FMC1: variants seen among roughly 807,000 people sequenced by gnomAD.
The protein encoded by FMC1 is protein FMC1 homolog.
FMC1 carries 6 observed loss-of-function variants against 10.5 expected under a neutral mutation model. The ratio of observed to expected loss-of-function variants is 0.57; its 90% CI spans 0.31 to 1.12. The LOEUF (loss-of-function observed/expected upper bound fraction) is 1.12. Among genes scored for constraint, FMC1 ranks in the 50% most tolerant of loss-of-function variants. The pLI, the probability that FMC1 is intolerant of heterozygous loss-of-function variation, is 0.05. For synonymous variants in FMC1, 59 were observed against 62.1 expected, an observed-to-expected ratio of 0.95 and a Z score of 0.24; for missense variants, 146 against 151.7, an observed-to-expected ratio of 0.96 and a Z score of 0.20.
At chr7:139,341,655 C>G (rs1798974624) in intron 1 of FMC1, 133 bp downstream of exon 1, 2 of 1,429,336 alleles carry the variant, frequency 1.4e-6, no homozygotes, top group Non-Finnish European at 1.8e-6. Flanking sequence ...CTGGTTCTGA[C>G]CAAACCAACC....
At chr7:139,340,799 C>T (rs752481071), upstream of FMC1, among the ~76,000 whole-genome samples, 82 of 151,810 alleles carry the variant, frequency 5.4e-4, no homozygotes, top group Middle Eastern at 3.4e-3. Context: ...CTTTTTTCCC[C>T]TTTCTAAACA....
chr7:139,342,289 A>G (rs1799021201), intron 1 of FMC1, among the ~76,000 whole-genome samples: 1 of 152,108 alleles, frequency 6.6e-6, no homozygotes, highest in African/African-American at 2.4e-5. Context: ...TGGGGTATAA[A>G]GAAGGGGTAG....
Position 139,345,803 on chromosome 7 carries a change from C to A in FMC1, c.*99C>A. The A allele has an allele frequency of 7.6e-7, 1 of 1,324,092 alleles. No individual in the cohort carries two copies. The highest frequency in any genetic ancestry group is 1.7e-5 in the South Asian group (1 of 59,872). 82.0% of individuals were successfully genotyped at this position (1,324,092 alleles called of 1,614,324 possible). A position where few individuals can be genotyped will look rare whatever the true frequency, so the allele number is the denominator to read the frequency against. ...AATTTTTTTTAAGTTTAAGGTTTTT[C>A]TCTGTAATTTTGTTTACTAGTTCTT... is the stretch of plus-strand genomic sequence containing the variant. On this transcript the variant is annotated 3_prime_UTR_variant, in exon 2 of 2. Transcript: ENST00000297534.
upstream of FMC1, chr7:139,340,564 A>G (rs937600446): frequency 6.0e-5 from 24 of 397,842 alleles, no homozygotes; most frequent in African/African-American, 4.1e-4. Flanking sequence ...TCTAACTACA[A>G]CTCCCAGCAT....
Position 139,345,777 on chromosome 7 carries a change from A to C in FMC1, c.*73A>C, listed in dbSNP as rs1799244322. The C allele has an allele frequency of 2.8e-6, 4 of 1,440,096 alleles. No individual in the cohort carries two copies. The South Asian group carries it at 4.4e-5, about 16-fold the overall frequency. The allele number at this position is 1,440,096 out of a possible 1,614,324, so 89.2% of individuals were successfully genotyped here. A position where few individuals can be genotyped will look rare whatever the true frequency, so the allele number is the denominator to read the frequency against. ...TTTCTATCAATATGTATTTATCATT[A>C]AATTTTTTTTAAGTTTAAGGTTTTT... On this transcript the variant is annotated 3_prime_UTR_variant, in exon 2 of 2. Transcript: ENST00000297534.
intron 1 of FMC1, 33 bp downstream of exon 1, chr7:139,341,555 C>T: frequency 6.2e-7 from 1 of 1,600,288 alleles, no homozygotes; most frequent in Non-Finnish European, 8.5e-7. Flanking sequence ...GCTCTACGTG[C>T]TGGGGAGGGA....
chr7:139,340,547 T>C, upstream of FMC1: 1 of 398,362 alleles, frequency 2.5e-6, no homozygotes, highest in Non-Finnish European at 4.4e-6. Flanking sequence ...GATGTGGACT[T>C]TTGTTCTCTA....
chr7:139,342,381 A>G (rs1316266425), intron 1 of FMC1, among the ~76,000 whole-genome samples: 1 of 152,196 alleles, frequency 6.6e-6, no homozygotes, highest in African/African-American at 2.4e-5. Context: ...GTTAGGGTCC[A>G]GGTTTAAAAG....
intron 1 of FMC1, among the ~76,000 whole-genome samples, chr7:139,344,291 C>G (rs1466347238): frequency 6.6e-6 from 1 of 152,124 alleles, no homozygotes; most frequent in Non-Finnish European, 1.5e-5. Context: ...GGACACCCCC[C>G]ACCCCCACTC....
chr7:139,345,957 G>T lies in FMC1; in HGVS notation c.*253G>T. On this transcript the variant is annotated 3_prime_UTR_variant, in exon 2 of 2. Transcript: ENST00000297534. Reference sequence around the variant, plus strand: ...TATTTTAAAAGTAGTACAAGCCTTAGCCAGGCACGGTGGCTCACGCCTGTA... The same window carrying T: ...TATTTTAAAAGTAGTACAAGCCTTATCCAGGCACGGTGGCTCACGCCTGTA... 3.7e-6 allele frequency: 1 copy of T among 271,984 alleles called. No individual in the cohort carries two copies. The highest frequency in any genetic ancestry group is 6.8e-6 in the Non-Finnish European group (1 of 147,466). 16.8% of individuals were successfully genotyped at this position (271,984 alleles called of 1,614,324 possible).
intron 1 of FMC1, among the ~76,000 whole-genome samples, chr7:139,342,061 A>C (rs1799007354): frequency 1.3e-5 from 2 of 152,142 alleles, no homozygotes; most frequent in Non-Finnish European, 1.5e-5. Context: ...CAACTGTCGA[A>C]TTTCTGAGCC....
At chr7:139,340,910 C>G (rs1034180909), upstream of FMC1, among the ~76,000 whole-genome samples, 13 of 152,062 alleles carry the variant, frequency 8.5e-5, no homozygotes, top group African/African-American at 3.1e-4. Context: ...CTGCACACAC[C>G]CATGTCCTTT....
At position 139,345,795 on chromosome 7, in the gene FMC1, A is replaced by G; in HGVS notation, c.*91A>G. The G allele has an allele frequency of 3.7e-6, 5 of 1,363,968 alleles. No homozygotes were observed. The highest frequency in any genetic ancestry group is 3.9e-6 in the Non-Finnish European group (4 of 1,030,944). The allele number at this position is 1,363,968 out of a possible 1,614,324, so 84.5% of individuals were successfully genotyped here. A position where few individuals can be genotyped will look rare whatever the true frequency, so the allele number is the denominator to read the frequency against. ...TATCATTAAATTTTTTTTAAGTTTA[A>G]GGTTTTTCTCTGTAATTTTGTTTAC... On this transcript the variant is annotated 3_prime_UTR_variant, in exon 2 of 2. Coordinates refer to ENST00000297534, the MANE Select transcript of FMC1 (RefSeq NM_197964.5).
chr7:139,342,604 CGA>C (rs1453321760), intron 1 of FMC1, among the ~76,000 whole-genome samples: 3 of 152,094 alleles, frequency 2.0e-5, no homozygotes, highest in Admixed American at 1.3e-4. Flanking sequence ...TACAGGCAGG[CGA>C]CATGCGACAC....
chr7:139,341,482 C>G lies in FMC1; in HGVS notation c.98C>G (p.Ala33Gly), dbSNP rs764463286. Residue 33 changes from alanine to glycine, a missense_variant, in exon 1 of 2, where the codon GCG becomes GGG. By Grantham distance (60) the Ala-to-Gly change is moderately conservative. Coordinates refer to ENST00000297534, the MANE Select transcript of FMC1 (RefSeq NM_197964.5). Reference sequence around the variant, plus strand: ...ACCGGCCGACCCTATCGCGACACCGCGGCCTATCGGTACCTTGTGAAGGCT... The same window carrying G: ...ACCGGCCGACCCTATCGCGACACCGGGGCCTATCGGTACCTTGTGAAGGCT... ...AATGRPYRDT[A>G]AYRYLVKAFR... The G allele has an allele frequency of 6.2e-7, 1 of 1,613,814 alleles. No homozygotes were observed. Among genetic ancestry groups the G allele is most frequent in the Non-Finnish European group, 8.5e-7 (1 of 1,179,986 alleles).
At chr7:139,340,689 C>T (rs753529819), upstream of FMC1, 21 of 392,666 alleles carry the variant, frequency 5.3e-5, no homozygotes, top group South Asian at 1.4e-4. Flanking sequence ...GTGAGCGCGT[C>T]GTTTGCAGAA....
intron 1 of FMC1, among the ~76,000 whole-genome samples, chr7:139,343,193 T>C (rs959453789): frequency 5.9e-5 from 9 of 152,360 alleles, no homozygotes; most frequent in Admixed American, 2.0e-4. Flanking sequence ...TCCACAAATT[T>C]GGGCTTATAT....
Position 139,345,846 on chromosome 7 carries a change from ATTTCATCT to A in FMC1, c.*145_*152del. The A allele has an allele frequency of 1.1e-6, 1 of 902,690 alleles. No homozygotes were observed. The highest frequency in any genetic ancestry group is 2.1e-5 in the South Asian group (1 of 46,814). 55.9% of individuals were successfully genotyped at this position (902,690 alleles called of 1,614,324 possible). ...TAGTTCTTAGGGGAATTAACTGGACATTTCATCTTTACTCTCAGTGAATTTACTGAACT... is the reference window on the plus strand; with the variant it reads ...TAGTTCTTAGGGGAATTAACTGGACATTACTCTCAGTGAATTTACTGAACT... On this transcript the variant is annotated 3_prime_UTR_variant, in exon 2 of 2. Coordinates refer to ENST00000297534, the MANE Select transcript of FMC1 (RefSeq NM_197964.5).
At chr7:139,340,650 C>G (rs1267348816), upstream of FMC1, 1 of 396,288 alleles carries the variant, frequency 2.5e-6, no homozygotes, top group East Asian at 3.6e-5. Flanking sequence ...CGATGACGTA[C>G]CAAAGAGGAA....
Sources: gnomAD v4.1 joint callset for allele counts (sites outside exome capture counted in the v4.1 genomes callset) on GRCh38, gnomAD v4.1.1 for gene constraint, MANE v1.5 for transcripts, NCBI Gene and HGNC (gene_info 2026-07-23, HGNC 2026-07-21) for gene names.